The following TCF4 variants were observed in gnomAD, a reference collection of about 807,000 sequenced individuals.
TCF4 encodes transcription factor 4, also known as SL3-3 enhancer factor 2.
A neutral mutation model predicts 82.1 loss-of-function variants in TCF4; 3 were observed. That is an observed-to-expected ratio of 0.04 (90% CI 0.02 to 0.09). TCF4 has a LOEUF of 0.09. TCF4 is among the 10% of genes least tolerant of loss of function. The pLI is 1.00. For synonymous variants in TCF4, 276 were observed against 309.6 expected, an observed-to-expected ratio of 0.89 and a Z score of 1.14; for missense variants, 518 against 852.7, an observed-to-expected ratio of 0.61 and a Z score of 4.89.
At chr18:55,273,738 T>A (rs1055325380) in intron 10 of TCF4, among the ~76,000 whole-genome samples, 5 of 152,328 alleles carry the variant, frequency 3.3e-5, no homozygotes, top group African/African-American at 7.2e-5. Context: ...ATTGCAAATA[T>A]GGCTTCTGAT....
intron 5 of TCF4, among the ~76,000 whole-genome samples, chr18:55,446,062 GTAA>G (rs1268406521): frequency 7.2e-5 from 11 of 152,078 alleles, no homozygotes; most frequent in Non-Finnish European, 1.6e-4. Flanking sequence ...CCAGATTCTG[GTAA>G]TGTTTTTCCC....
intron 2 of TCF4, among the ~76,000 whole-genome samples, chr18:55,607,134 T>A (rs1024077823): frequency 7.9e-5 from 12 of 152,306 alleles, no homozygotes; most frequent in Non-Finnish European, 1.6e-4. Flanking sequence ...GTTCAGATTT[T>A]ATTTATTTTC....
chr18:55,596,792 A>G (rs1022740502), intron 2 of TCF4, among the ~76,000 whole-genome samples: 1 of 152,196 alleles, frequency 6.6e-6, no homozygotes, highest in African/African-American at 2.4e-5. Flanking sequence ...TTTCAGCTGT[A>G]TAATATACAG....
At chr18:55,273,131 T>C (rs1423842667) in intron 10 of TCF4, among the ~76,000 whole-genome samples, 1 of 152,140 alleles carries the variant, frequency 6.6e-6, no homozygotes, top group Non-Finnish European at 1.5e-5. Context: ...ACAGTAATGA[T>C]TAGCTGTGGG....
rs2097476993 is a variant in TCF4, at chr18:55,572,014, G to A, written c.145+13266C>T. Reference sequence around the variant, plus strand: ...GGATGCTGAGAGGTACTCTCTAGGAGGCAGAAACAGGACCAAGCACTGCCC... The same window carrying A: ...GGATGCTGAGAGGTACTCTCTAGGAAGCAGAAACAGGACCAAGCACTGCCC... On this transcript the variant is annotated intron_variant, in intron 3 of 19. Coordinates refer to ENST00000354452, the MANE Select transcript of TCF4 (RefSeq NM_001083962.2). Among the ~76,000 whole-genome samples the A allele has an allele frequency of 2.0e-5, 3 of 152,274 alleles. No individual in the cohort carries two copies. The South Asian group carries it at 6.2e-4, about 32-fold the overall frequency.
At chr18:55,416,540 A>C (rs954342783) in intron 5 of TCF4, among the ~76,000 whole-genome samples, 1 of 152,200 alleles carries the variant, frequency 6.6e-6, no homozygotes, top group Non-Finnish European at 1.5e-5. Context: ...AAAAACAATA[A>C]AGCCAAGTAA....
intron 15 of TCF4, among the ~76,000 whole-genome samples, chr18:55,250,446 A>C (rs1477634916): frequency 2.0e-5 from 3 of 152,206 alleles, no homozygotes; most frequent in African/African-American, 4.8e-5. Flanking sequence ...ATAAGTTCTG[A>C]AAAGGTGTTC....
intron 19 of TCF4, 47 bp from the exon 20 acceptor site, chr18:55,228,077 C>A: frequency 1.9e-6 from 2 of 1,046,072 alleles, no homozygotes; most frequent in South Asian, 1.5e-5. Flanking sequence ...ATATTTGTAA[C>A]AGAAAAAGTA....
At chr18:55,613,135 C>G (rs1044943373) in intron 2 of TCF4, among the ~76,000 whole-genome samples, 1 of 151,954 alleles carries the variant, frequency 6.6e-6, no homozygotes, top group African/African-American at 2.4e-5. Flanking sequence ...CAATAAACTG[C>G]ACATATTTAA....
chr18:55,353,792 T>C (rs2082825924), intron 6 of TCF4, among the ~76,000 whole-genome samples: 1 of 152,188 alleles, frequency 6.6e-6, no homozygotes, highest in South Asian at 2.1e-4. Flanking sequence ...TTGCACAAAA[T>C]GGATAAGGTA....
At chr18:55,454,405 A>G (rs1216008161) in intron 5 of TCF4, among the ~76,000 whole-genome samples, 1 of 152,128 alleles carries the variant, frequency 6.6e-6, no homozygotes, top group Non-Finnish European at 1.5e-5. Context: ...TTTTCATTCA[A>G]CGTTTAAACC....
At chr18:55,456,587 AT>A (rs2095760244) in intron 5 of TCF4, among the ~76,000 whole-genome samples, 1 of 152,228 alleles carries the variant, frequency 6.6e-6, no homozygotes, top group South Asian at 2.1e-4. Context: ...GGAAAATGGA[AT>A]GCTTAGCTCC....
chr18:55,267,616 G>T (rs535381992), intron 11 of TCF4: 1 of 152,206 alleles, frequency 6.6e-6, no homozygotes, highest in Admixed American at 6.5e-5. Context: ...CTCCCTTAAA[G>T]TAACCTTAAA....
intron 3 of TCF4, chr18:55,519,094 G>A (rs2096910384): frequency 6.6e-6 from 1 of 152,118 alleles, no homozygotes; most frequent in African/African-American, 2.4e-5. Context: ...AGCAACATTA[G>A]CAACAACATA....
intron 18 of TCF4, among the ~76,000 whole-genome samples, chr18:55,228,580 G>A (rs1420474374): frequency 6.6e-6 from 1 of 152,178 alleles, no homozygotes. Context: ...GCAAAGGTTG[G>A]TAAAGCAAAT....
intron 2 of TCF4, chr18:55,585,738 T>A: frequency 9.1e-7 from 1 of 1,094,736 alleles, no homozygotes; most frequent in Middle Eastern, 4.1e-4. Flanking sequence ...GCCATAAACG[T>A]GGCAATGTCC....
At chr18:55,374,665 C>T (rs2090252584) in intron 6 of TCF4, among the ~76,000 whole-genome samples, 1 of 151,828 alleles carries the variant, frequency 6.6e-6, no homozygotes, top group African/African-American at 2.4e-5. Context: ...GTTTGGGAGG[C>T]TAAGGCAGGC....
At chr18:55,627,933 G>A (rs1351996572) in intron 2 of TCF4, among the ~76,000 whole-genome samples, 2 of 152,090 alleles carry the variant, frequency 1.3e-5, no homozygotes, top group South Asian at 2.1e-4. Context: ...GGTGGCAGGC[G>A]CCTGTAGTCC....
chr18:55,313,719 G>A (rs578144935), intron 8 of TCF4, among the ~76,000 whole-genome samples: 1 of 152,190 alleles, frequency 6.6e-6, no homozygotes, highest in South Asian at 2.1e-4. Context: ...GGAGAGCCGG[G>A]CTCAAGTGTC....
Sources: gnomAD v4.1 joint callset for allele counts (sites outside exome capture counted in the v4.1 genomes callset) on GRCh38, gnomAD v4.1.1 for gene constraint, MANE v1.5 for transcripts, NCBI Gene and HGNC (gene_info 2026-07-23, HGNC 2026-07-21) for gene names.